CADM2: variants seen among roughly 807,000 people sequenced by gnomAD.
CADM2 encodes immunoglobulin superfamily member 4D.
In CADM2, 12 loss-of-function variants were observed where a neutral mutation model predicts 49.8. The observed-to-expected ratio is 0.24, with a 90% CI of 0.15 to 0.39. CADM2 has a LOEUF of 0.39. Ranked by LOEUF, CADM2 falls within the 10% of genes least tolerant of loss-of-function variation. The pLI is 1.00. For synonymous variants in CADM2, 214 were observed against 175.4 expected (o/e 1.22, Z -1.74); for missense variants, 378 against 492.3 (o/e 0.77, Z 2.20).
At chr3:86,032,870 T>C (rs778036090) in intron 8 of CADM2, among the ~76,000 whole-genome samples, 12 of 152,024 alleles carry the variant, frequency 7.9e-5, no homozygotes, top group Non-Finnish European at 1.5e-4. Context: ...CAACCCTGCC[T>C]TTCTCATTCT....
At chr3:85,100,888 A>G (rs562459607) in intron 1 of CADM2, among the ~76,000 whole-genome samples, 1 of 152,238 alleles carries the variant, frequency 6.6e-6, no homozygotes, top group African/African-American at 2.4e-5. Flanking sequence ...TAAGCTTATG[A>G]TAGTCTTTTG....
At chr3:85,996,391 G>A (rs550979274) in intron 8 of CADM2, among the ~76,000 whole-genome samples, 163 of 149,502 alleles carry the variant, frequency 1.1e-3, no homozygotes, top group African/African-American at 3.9e-3. Context: ...CTCTGCTCCC[G>A]GGTTCAAGTG....
At chr3:85,156,649 TA>T (rs1426820673) in intron 1 of CADM2, among the ~76,000 whole-genome samples, 2 of 151,978 alleles carry the variant, frequency 1.3e-5, no homozygotes, top group African/African-American at 4.8e-5. Context: ...TCCTTCATGC[TA>T]AAAACTCTCA....
intron 5 of CADM2, among the ~76,000 whole-genome samples, chr3:85,888,474 A>G (rs149292767): frequency 6.6e-6 from 1 of 152,204 alleles, no homozygotes; most frequent in African/African-American, 2.4e-5. Context: ...GAAGACAGAA[A>G]CAGGTACAGA....
intron 1 of CADM2, among the ~76,000 whole-genome samples, chr3:85,311,407 G>A (rs1170122070): frequency 1.3e-5 from 2 of 149,298 alleles, no homozygotes; most frequent in East Asian, 2.0e-4. Context: ...ACGGAGTCTC[G>A]CTCTGTCACC....
intron 1 of CADM2, among the ~76,000 whole-genome samples, chr3:85,209,627 C>A (rs1339191122): frequency 6.6e-6 from 1 of 151,994 alleles, no homozygotes; most frequent in Non-Finnish European, 1.5e-5. Context: ...GCATTTATTA[C>A]TATTTCTAAA....
chr3:85,537,291 C>A (rs2061441711), intron 1 of CADM2, among the ~76,000 whole-genome samples: 1 of 151,898 alleles, frequency 6.6e-6, no homozygotes, highest in Non-Finnish European at 1.5e-5. Context: ...AATATTCAGG[C>A]TATGTAGAAG....
intron 1 of CADM2, among the ~76,000 whole-genome samples, chr3:85,175,309 G>GA (rs2040749798): frequency 6.6e-6 from 1 of 152,122 alleles, no homozygotes; most frequent in South Asian, 2.1e-4. Context: ...GACTTTCTCA[G>GA]ATATTTATAT....
At chr3:85,265,054 A>G (rs1256334728) in intron 1 of CADM2, among the ~76,000 whole-genome samples, 1 of 152,034 alleles carries the variant, frequency 6.6e-6, no homozygotes, top group Non-Finnish European at 1.5e-5. Flanking sequence ...TTAGAACAAC[A>G]TTCAGAATAT....
intron 8 of CADM2, among the ~76,000 whole-genome samples, chr3:85,991,803 C>T (rs1202195894): frequency 4.6e-5 from 7 of 151,902 alleles, no homozygotes; most frequent in Admixed American, 6.6e-5. Flanking sequence ...TAATTGATAC[C>T]ATTTTCGTGT....
chr3:85,858,223 G>A (rs528638970), intron 3 of CADM2, among the ~76,000 whole-genome samples: 11 of 152,304 alleles, frequency 7.2e-5, no homozygotes, highest in African/African-American at 2.4e-4. Context: ...TAATGAATAG[G>A]ATCTCTGTGA....
chr3:85,255,548 A>T (rs1033678230), intron 1 of CADM2, among the ~76,000 whole-genome samples: 1 of 152,112 alleles, frequency 6.6e-6, no homozygotes, highest in Admixed American at 6.6e-5. Context: ...TCTGTAAAAA[A>T]AAAAGTGATA....
chr3:85,728,256 T>A (rs1376197301), intron 2 of CADM2, among the ~76,000 whole-genome samples: 2 of 152,152 alleles, frequency 1.3e-5, no homozygotes, highest in Non-Finnish European at 2.9e-5. Flanking sequence ...CTTCCACACT[T>A]CCATCCCCAG....
chr3:85,874,993 A>G (rs527389808), intron 3 of CADM2, among the ~76,000 whole-genome samples: 1 of 152,308 alleles, frequency 6.6e-6, no homozygotes, highest in East Asian at 1.9e-4. Context: ...AAATAGTAAC[A>G]CAGTTTCCAG....
intron 8 of CADM2, among the ~76,000 whole-genome samples, chr3:86,025,243 GC>G (rs1479364291): frequency 6.6e-6 from 1 of 152,044 alleles, no homozygotes; most frequent in Non-Finnish European, 1.5e-5. Context: ...TTTTAGTAGA[GC>G]CAGGGTTTCA....
intron 1 of CADM2, among the ~76,000 whole-genome samples, chr3:85,092,427 A>AATC (rs1373542310): frequency 3.3e-5 from 5 of 152,168 alleles, no homozygotes; most frequent in Admixed American, 2.0e-4. Flanking sequence ...GAGAAGAAAC[A>AATC]ATCTCTTTTA....
intron 1 of CADM2, among the ~76,000 whole-genome samples, chr3:85,419,426 C>G (rs1024727219): frequency 6.6e-6 from 1 of 150,760 alleles, no homozygotes; most frequent in African/African-American, 2.4e-5. Context: ...CCACTGCACT[C>G]CAGCCTGGGC....
At chr3:85,426,590 G>A (rs576935227) in intron 1 of CADM2, among the ~76,000 whole-genome samples, 1 of 152,018 alleles carries the variant, frequency 6.6e-6, no homozygotes, top group Admixed American at 6.6e-5. Context: ...GGAGAATAGG[G>A]TATCCATCCC....
At chr3:85,357,636 A>G (rs1247069103) in intron 1 of CADM2, among the ~76,000 whole-genome samples, 3 of 150,360 alleles carry the variant, frequency 2.0e-5, no homozygotes, top group Non-Finnish European at 4.4e-5. Context: ...GCCCTGTCTA[A>G]TTTACTCCCA....
Sources: gnomAD v4.1 joint callset for allele counts (sites outside exome capture counted in the v4.1 genomes callset) on GRCh38, gnomAD v4.1.1 for gene constraint, MANE v1.5 for transcripts, NCBI Gene and HGNC (gene_info 2026-07-23, HGNC 2026-07-21) for gene names.